The following TOPORS variants were observed in gnomAD, a reference collection of about 807,000 sequenced individuals.
The protein encoded by TOPORS is E3 ubiquitin-protein ligase Topors.
Under a neutral mutation model 81.4 loss-of-function variants are expected in TOPORS, and 25 were observed. The ratio of observed to expected loss-of-function variants is 0.31; its 90% CI spans 0.22 to 0.43. TOPORS has a LOEUF of 0.43. TOPORS is among the 20% of genes least tolerant of loss of function. The pLI is 1.00. For missense variants in TOPORS, 1,101 were observed against 1,267.0 expected (o/e 0.87, Z 1.99); for synonymous variants, 473 against 456.6 (o/e 1.04, Z -0.46).
At chr9:32,549,623 G>A (rs937108559) in intron 2 of TOPORS, among the ~76,000 whole-genome samples, 24 of 152,242 alleles carry the variant, frequency 1.6e-4, no homozygotes, top group African/African-American at 5.5e-4. Context: ...AGTGAATTTC[G>A]GTAGCTCATC....
At chr9:32,546,709 T>A (rs1203039618) in intron 2 of TOPORS, among the ~76,000 whole-genome samples, 2 of 152,214 alleles carry the variant, frequency 1.3e-5, no homozygotes, top group African/African-American at 2.4e-5. Flanking sequence ...AAAGTATGAT[T>A]TTTTTAAAAA....
chr9:32,542,839 C>A lies in TOPORS; in HGVS notation c.1686G>T (p.Glu562Asp). The A allele has an allele frequency of 6.2e-7, 1 of 1,614,018 alleles. No homozygotes were observed. The highest frequency in any genetic ancestry group is 8.5e-7 in the Non-Finnish European group (1 of 1,180,014). ...GAGATGACAATGATGTAGATCGTTT[C>A]TCTTCCTTCTTTGATTTGATTCTTG... ...SSTRIKSKKEEKRSTSLSSPR... is the reference protein window; with the variant it reads ...SSTRIKSKKEDKRSTSLSSPR... Residue 562 changes from glutamate (E) to aspartate (D), a missense_variant, in exon 3 of 3, where the codon GAG becomes GAT. Transcript: ENST00000360538.
Position 32,541,112 on chromosome 9 carries a change from A to G in TOPORS, c.*275T>C. ...TTATGAAATAACTTCTAAAATTTAT[A>G]TAATTTTTCTTATTTAAAAAGGACC... On this transcript the variant is annotated 3_prime_UTR_variant, in exon 3 of 3. Transcript: ENST00000360538. 3.6e-6 allele frequency: 1 copy of G among 276,032 alleles called. No homozygotes were observed. The highest frequency in any genetic ancestry group is 6.9e-6 in the Non-Finnish European group (1 of 144,224). The allele number at this position is 276,032 out of a possible 1,614,324, so 17.1% of individuals were successfully genotyped here.
chr9:32,551,129 A>G, intron 1 of TOPORS, 161 bp from the exon 2 acceptor site: 5 of 880,000 alleles, frequency 5.7e-6, no homozygotes, highest in Non-Finnish European at 8.9e-6. Context: ...GCACCGGCCC[A>G]AATGCGGCCC....
intron 1 of TOPORS, 94 bp downstream of exon 1, chr9:32,552,340 A>G: frequency 6.5e-7 from 1 of 1,543,318 alleles, no homozygotes; most frequent in Non-Finnish European, 8.8e-7. Flanking sequence ...CCCGGCTAAA[A>G]GATGGCTGCT....
In TOPORS at chr9:32,542,041, A is replaced by T. The variant is rs1446908842; in HGVS notation, c.2484T>A (p.Ser828=). ...SKAKDSHYQK[S]SSKLDGNYKN... ...TGTAGTTTCCATCCAATTTTGATGA[A>T]GATTTTTGGTAATGACTGTCCTTTG... is the stretch of plus-strand genomic sequence containing the variant. The change falls in exon 3 of 3, where the codon TCT becomes TCA. Residue 828 remains serine (S), a synonymous_variant. Coordinates refer to ENST00000360538, the MANE Select transcript of TOPORS (RefSeq NM_005802.5). 2 of 1,613,888 alleles carry T rather than the reference A, an allele frequency of 1.2e-6. No homozygotes were observed. The highest frequency in any genetic ancestry group is 1.7e-5 in the Admixed American group (1 of 60,002).
At chr9:32,548,689 T>C (rs1038156837) in intron 2 of TOPORS, among the ~76,000 whole-genome samples, 2 of 152,184 alleles carry the variant, frequency 1.3e-5, no homozygotes, top group Non-Finnish European at 2.9e-5. Flanking sequence ...TTAGGACATT[T>C]CCTCACAGGA....
intron 2 of TOPORS, 84 bp downstream of exon 2, chr9:32,550,690 G>C (rs1821223426): frequency 6.5e-7 from 1 of 1,534,354 alleles, no homozygotes; most frequent in Admixed American, 1.7e-5. Context: ...CAACCCTCGG[G>C]TCCCGAGGCG....
At position 32,550,823 on chromosome 9, in the gene TOPORS, C is replaced by G. The variant is rs199942543; in HGVS notation, c.149G>C (p.Arg50Pro). Residue 50 changes from arginine (R) to proline (P), a missense_variant, in exon 2 of 3, where the codon CGG (arginine) becomes CCG (proline). Coordinates refer to ENST00000360538, the MANE Select transcript of TOPORS (RefSeq NM_005802.5). ...CRHRPSFLGCRELAASAPARP... is the reference protein window; with the variant it reads ...CRHRPSFLGCPELAASAPARP... ...GGCTGGGGCGCTCGCCGCGAGCTCCCGGCAGCCCAGAAAGCTAGGTCGGTG... is the reference window on the plus strand; with the variant it reads ...GGCTGGGGCGCTCGCCGCGAGCTCCGGGCAGCCCAGAAAGCTAGGTCGGTG... The G allele has an allele frequency of 6.2e-7, 1 of 1,612,770 alleles. No individual in the cohort carries two copies. The highest frequency in any genetic ancestry group is 8.5e-7 in the Non-Finnish European group (1 of 1,179,720).
chr9:32,545,148 G>A (rs747624432), intron 2 of TOPORS, among the ~76,000 whole-genome samples: 1 of 152,138 alleles, frequency 6.6e-6, no homozygotes, highest in African/African-American at 2.4e-5. Flanking sequence ...CTCACAGTAG[G>A]TGCTGAGTAA....
At position 32,547,960 on chromosome 9, in the gene TOPORS, T is replaced by C. The variant is rs562985461; in HGVS notation, c.198+2814A>G. 1.5e-3 allele frequency among the ~76,000 whole-genome samples: 231 copies of C among 150,464 alleles called. 3 individuals are homozygous for C. The highest frequency in any genetic ancestry group is 2.9e-3 in the Non-Finnish European group (199 of 67,768). ...CATTCTCCTGCCTCAGCCTTCCCAG[T>C]AGTAGCTGGGATTACAGGCGCCCGC... On this transcript the variant is annotated intron_variant, in intron 2 of 2. Transcript: ENST00000360538.
In TOPORS at chr9:32,541,384, G is replaced by A; in HGVS notation, c.*3C>T. 1 of 1,614,008 alleles carries A rather than the reference G, an allele frequency of 6.2e-7. No homozygotes were observed. The highest frequency in any genetic ancestry group is 1.3e-5 in the African/African-American group (1 of 75,024). ...TAATTCTCAATGAAATGCTTTGGCA[G>A]TTTTAAGACATATCACAGTCTCTAC... On this transcript the variant is annotated 3_prime_UTR_variant, in exon 3 of 3. Transcript: ENST00000360538.
chr9:32,550,746 G>A, intron 2 of TOPORS, 28 bp downstream of exon 2: 3 of 1,611,928 alleles, frequency 1.9e-6, no homozygotes, highest in Non-Finnish European at 2.5e-6. Flanking sequence ...TCCGACCCCC[G>A]CGTCCCATTG....
chr9:32,547,240 C>A lies in TOPORS; in HGVS notation c.199-2914G>T, dbSNP rs578118944. On this transcript the variant is annotated intron_variant, in intron 2 of 2. Coordinates refer to ENST00000360538, the MANE Select transcript of TOPORS (RefSeq NM_005802.5). Reference sequence around the variant, plus strand: ...AAAGAAACATCAAACAATTGGAATGCATGTAGATCAAATAAGTTATTAGCT... The same window carrying A: ...AAAGAAACATCAAACAATTGGAATGAATGTAGATCAAATAAGTTATTAGCT... Among the ~76,000 whole-genome samples the A allele has an allele frequency of 7.2e-5, 7 of 96,654 alleles. No homozygotes were observed. The East Asian group carries it at 1.5e-3, about 21-fold the overall frequency. The allele number at this position is 96,654 out of a possible 152,430, so 63.4% of individuals were successfully genotyped here.
chr9:32,544,580 C>T (rs1438877568), intron 2 of TOPORS, among the ~76,000 whole-genome samples: 1 of 152,188 alleles, frequency 6.6e-6, no homozygotes, highest in East Asian at 1.9e-4. Flanking sequence ...CAGTTAGTAT[C>T]TCTGTGCTTT....
Position 32,550,739 on chromosome 9 carries a change from G to C in TOPORS, c.198+35C>G, listed in dbSNP as rs776138193. On this transcript the variant is annotated intron_variant, in intron 2 of 2. Transcript: ENST00000360538. ...GAGCGCCAACTCCCACGGCCCTTCC[G>C]ACCCCCGCGTCCCATTGTTCCGAAT... 8 of 1,610,718 alleles carry C rather than the reference G, an allele frequency of 5.0e-6. No individual in the cohort carries two copies. In the South Asian group the frequency reaches 8.8e-5, roughly 18 times the overall value.
chr9:32,551,135 G>T, intron 1 of TOPORS, 167 bp from the exon 2 acceptor site: 1 of 820,008 alleles, frequency 1.2e-6, no homozygotes, highest in Non-Finnish European at 2.0e-6. Flanking sequence ...GCCCAAATGC[G>T]GCCCCTCCCC....
chr9:32,542,094 G>GA lies in TOPORS; in HGVS notation c.2430dup (p.Gln811SerfsTer5). 1.2e-6 allele frequency: 2 copies of GA among 1,614,108 alleles called. No individual in the cohort carries two copies. The highest frequency in any genetic ancestry group is 1.7e-6 in the Non-Finnish European group (2 of 1,180,010). ...TTAGAAGCAAATTCACGAGATGGCT[G>GA]AGCCACTTCGTTAGTACCCTCCAAA... On this transcript the variant is annotated frameshift_variant, in exon 3 of 3. Coordinates refer to ENST00000360538, the MANE Select transcript of TOPORS (RefSeq NM_005802.5). LOFTEE classifies it high-confidence loss of function.
chr9:32,550,779 A>T lies in TOPORS; in HGVS notation c.193T>A (p.Ser65Thr). The change falls in exon 2 of 3, where the codon TCC becomes ACC. Residue 65 changes from serine to threonine, a missense_variant. By Grantham distance (58) the Ser-to-Thr change is moderately conservative. Coordinates refer to ENST00000360538, the MANE Select transcript of TOPORS (RefSeq NM_005802.5). ...TTGTTCCGAATCTCACTCACCTCGG[A>T]GGATGCCGGCGCAGGCCTGGCTGGG... ...SAPARPAPAS[S>T]EIMASAAKEF... 2 of 1,612,844 alleles carry T rather than the reference A, an allele frequency of 1.2e-6. No homozygotes were observed. The highest frequency in any genetic ancestry group is 1.7e-6 in the Non-Finnish European group (2 of 1,179,684).
Sources: allele counts gnomAD v4.1 joint callset (sites outside exome capture counted in the v4.1 genomes callset), GRCh38; gene constraint gnomAD v4.1.1; transcripts MANE v1.5; gene names NCBI Gene and HGNC (gene_info 2026-07-23, HGNC 2026-07-21).